The following RYR2 variants were observed in gnomAD, a reference collection of about 807,000 sequenced individuals.
The protein encoded by RYR2 is cardiac muscle ryanodine receptor-calcium release channel.
A neutral mutation model predicts 601.1 loss-of-function variants in RYR2; 227 were observed. The observed-to-expected ratio is 0.38, with a 90% CI of 0.34 to 0.42. RYR2 has a LOEUF of 0.42. RYR2 is among the 10% of genes least tolerant of loss of function. RYR2 has a pLI of 1.00. For missense variants in RYR2, 4,646 were observed against 6,156.5 expected (o/e 0.75, Z 8.21); for synonymous variants, 2,223 against 2,175.1 (o/e 1.02, Z -0.61).
At chr1:237,439,759 G>C (rs1428451495) in intron 12 of RYR2, among the ~76,000 whole-genome samples, 1 of 151,560 alleles carries the variant, frequency 6.6e-6, no homozygotes, top group Non-Finnish European at 1.5e-5. Context: ...TAATGTTTAC[G>C]TGACTTCTTA....
At chr1:237,745,243 A>G (rs575680687) in intron 80 of RYR2, among the ~76,000 whole-genome samples, 1 of 152,336 alleles carries the variant, frequency 6.6e-6, no homozygotes, top group Non-Finnish European at 1.5e-5. Context: ...TTAATGGCAT[A>G]CAATGGGCCT....
intron 10 of RYR2, among the ~76,000 whole-genome samples, chr1:237,404,662 A>T (rs1703698683): frequency 6.6e-6 from 1 of 152,172 alleles, no homozygotes; most frequent in South Asian, 2.1e-4. Context: ...TCCCATGACT[A>T]GATTACATTA....
chr1:237,766,512 T>C (rs1693860153), intron 84 of RYR2, among the ~76,000 whole-genome samples: 1 of 152,212 alleles, frequency 6.6e-6, no homozygotes, highest in Admixed American at 6.6e-5. Flanking sequence ...TCCATCTGTT[T>C]ACCAGGGAAG....
intron 80 of RYR2, among the ~76,000 whole-genome samples, chr1:237,745,947 G>A (rs1692037606): frequency 6.6e-6 from 1 of 151,822 alleles, no homozygotes; most frequent in Non-Finnish European, 1.5e-5. Context: ...TCTGATTTGG[G>A]ACTATAATTT....
At position 237,625,788 on chromosome 1, in the gene RYR2, T is replaced by C. The variant is rs371310419; in HGVS notation, c.6150T>C (p.Ser2050=). ...KKKQAEKPVE[S]DSKKSSTLQQ... ...AGCAAGCAGAAAAACCAGTTGAGAG[T>C]GACTCCAAAAAGTCCTGTAAGCAGT... Residue 2050 remains serine, a synonymous_variant, in exon 40 of 105, where the codon AGT becomes AGC. Coordinates refer to ENST00000366574, the MANE Select transcript of RYR2 (RefSeq NM_001035.3). 3.7e-6 allele frequency: 6 copies of C among 1,613,330 alleles called. No individual in the cohort carries two copies. The highest frequency in any genetic ancestry group is 5.1e-6 in the Non-Finnish European group (6 of 1,179,686).
At chr1:237,664,622 T>C (rs1432706181) in intron 56 of RYR2, among the ~76,000 whole-genome samples, 1 of 152,184 alleles carries the variant, frequency 6.6e-6, no homozygotes, top group Non-Finnish European at 1.5e-5. Context: ...AAAATGCCCC[T>C]ATGATTCAGT....
At chr1:237,094,078 A>T (rs544031104) in intron 1 of RYR2, among the ~76,000 whole-genome samples, 63 of 152,088 alleles carry the variant, frequency 4.1e-4, no homozygotes, top group African/African-American at 1.4e-3. Flanking sequence ...AGCTGGCCTG[A>T]CTCCCTTCTT....
chr1:237,640,442 CATTT>C (rs1681353605), intron 46 of RYR2, among the ~76,000 whole-genome samples: 1 of 152,220 alleles, frequency 6.6e-6, no homozygotes, highest in Admixed American at 6.5e-5. Context: ...AGTGCAATAA[CATTT>C]ATAAAGTACT....
chr1:237,095,910 C>A (rs1023191321), intron 1 of RYR2, among the ~76,000 whole-genome samples: 4 of 152,196 alleles, frequency 2.6e-5, no homozygotes, highest in African/African-American at 9.6e-5. Flanking sequence ...CTGGGCATTC[C>A]AGGCTGGAGG....
chr1:237,733,498 A>G (rs150218247), intron 78 of RYR2, among the ~76,000 whole-genome samples: 1 of 152,228 alleles, frequency 6.6e-6, no homozygotes, highest in African/African-American at 2.4e-5. Context: ...GTAAGATGGG[A>G]CAGCTATTTA....
intron 47 of RYR2, 138 bp downstream of exon 47, chr1:237,641,140 G>A (rs920447025): frequency 1.9e-6 from 1 of 534,836 alleles, no homozygotes; most frequent in African/African-American, 1.9e-5. Context: ...TCTAATCACT[G>A]AACAAGTGTT....
intron 27 of RYR2, among the ~76,000 whole-genome samples, chr1:237,565,220 TTTC>T (rs1671935050): frequency 6.9e-6 from 1 of 145,522 alleles, no homozygotes; most frequent in Non-Finnish European, 1.5e-5. Context: ...TCTTTCTTTC[TTTC>T]TTTTGTCTTT....
At chr1:237,293,219 G>A (rs1444268452) in intron 2 of RYR2, among the ~76,000 whole-genome samples, 1 of 151,826 alleles carries the variant, frequency 6.6e-6, no homozygotes, top group African/African-American at 2.4e-5. Context: ...TTTCTTTTTT[G>A]GTTGAGGGAT....
intron 1 of RYR2, among the ~76,000 whole-genome samples, chr1:237,173,914 T>G (rs1321729942): frequency 1.3e-5 from 2 of 151,880 alleles, no homozygotes; most frequent in Admixed American, 6.6e-5. Flanking sequence ...AAAATTAGCC[T>G]GGCGTGGTGG....
At chr1:237,559,978 A>T (rs1370165278) in intron 27 of RYR2, among the ~76,000 whole-genome samples, 1 of 152,248 alleles carries the variant, frequency 6.6e-6, no homozygotes, top group Non-Finnish European at 1.5e-5. Context: ...TAAGTCTCCC[A>T]GTCTTTACCA....
intron 5 of RYR2, among the ~76,000 whole-genome samples, chr1:237,367,395 CAAA>C (rs67381357): frequency 6.6e-6 from 1 of 151,632 alleles, no homozygotes; most frequent in Non-Finnish European, 1.5e-5. Flanking sequence ...TCTGGCCCCC[CAAA>C]AAAAGTGGTT....
At chr1:237,046,704 G>A (rs1279371264) in intron 1 of RYR2, among the ~76,000 whole-genome samples, 6 of 152,106 alleles carry the variant, frequency 3.9e-5, no homozygotes, top group Non-Finnish European at 7.4e-5. Context: ...TTTTTATCAC[G>A]GCTGAATTAC....
intron 1 of RYR2, among the ~76,000 whole-genome samples, chr1:237,186,453 A>G (rs1022603465): frequency 6.6e-5 from 10 of 152,134 alleles, no homozygotes; most frequent in African/African-American, 2.4e-4. Flanking sequence ...GTTTAACTGG[A>G]CTCAATTGAA....
intron 66 of RYR2, among the ~76,000 whole-genome samples, chr1:237,702,815 A>G (rs547119778): frequency 1.8e-4 from 27 of 152,068 alleles, no homozygotes; most frequent in Non-Finnish European, 3.2e-4. Flanking sequence ...CATTTGGCCT[A>G]CCAAATATTA....
Sources: gnomAD v4.1 joint callset for allele counts (sites outside exome capture counted in the v4.1 genomes callset) on GRCh38, gnomAD v4.1.1 for gene constraint, MANE v1.5 for transcripts, NCBI Gene and HGNC (gene_info 2026-07-23, HGNC 2026-07-21) for gene names.